The following L3HYPDH variants were observed in gnomAD, a reference collection of about 807,000 sequenced individuals.
The protein encoded by L3HYPDH is trans-3-hydroxy-L-proline dehydratase.
In L3HYPDH, 32 loss-of-function variants were observed where a neutral mutation model predicts 26.5. The observed-to-expected ratio is 1.21, with a 90% CI of 0.91 to 1.62. The LOEUF is 1.62. L3HYPDH is among the 40% of genes most tolerant of loss of function. L3HYPDH has a pLI of 0.00. For missense variants in L3HYPDH, 554 were observed against 476.4 expected, an observed-to-expected ratio of 1.16 and a Z score of -1.52; for synonymous variants, 215 against 196.6, an observed-to-expected ratio of 1.09 and a Z score of -0.78.
At chr14:59,503,598 G>A in the L3HYPDH span, among the ~76,000 whole-genome samples, 1 of 152,134 alleles carries the variant, frequency 6.6e-6, no homozygotes, top group Admixed American at 6.5e-5. Flanking sequence ...CATAGACTAG[G>A]ACTTAAGAGA....
chr14:59,477,384 T>C (rs966503191), intron 2 of L3HYPDH, among the ~76,000 whole-genome samples: 2 of 152,242 alleles, frequency 1.3e-5, no homozygotes, highest in South Asian at 4.1e-4. Context: ...GCAGTGTGAA[T>C]AGTCAACAGT....
downstream of L3HYPDH, among the ~76,000 whole-genome samples, chr14:59,470,038 T>C (rs915988851): frequency 1.3e-5 from 2 of 152,148 alleles, no homozygotes; most frequent in African/African-American, 4.8e-5. Flanking sequence ...AATGGTCTAT[T>C]GAGAAATCAG....
Position 59,476,091 on chromosome 14 carries a change from C to T in L3HYPDH, c.801+1G>A. 6.2e-7 allele frequency: 1 copy of T among 1,613,862 alleles called. No homozygotes were observed. The highest frequency in any genetic ancestry group is 8.5e-7 in the Non-Finnish European group (1 of 1,179,868). ...GTCCCTAAACATTACAGTTTTAATACCTGTTCATCTGCAAAAACACAAATG... is the reference window on the plus strand; with the variant it reads ...GTCCCTAAACATTACAGTTTTAATATCTGTTCATCTGCAAAAACACAAATG... On this transcript the variant is annotated splice_donor_variant, in intron 3 of 4. Transcript: ENST00000247194. LOFTEE classifies it high-confidence loss of function.
rs944710038 is a variant in L3HYPDH at position 59,484,236 on chromosome 14, C to A, written c.81G>T (p.Thr27=). 4 of 1,598,318 alleles carry A rather than the reference C, an allele frequency of 2.5e-6. No homozygotes were observed. The highest frequency in any genetic ancestry group is 2.5e-6 in the Non-Finnish European group (3 of 1,179,706). Residue 27 remains threonine, a synonymous_variant, in exon 1 of 5, where the codon ACG becomes ACT. Transcript: ENST00000247194. ...GCACGATACGCAAGGGCTCGCCGCC[C>A]GTGTGCATGTCCACCACCGACAGCA... ...TPVLSVVDMH[T]GGEPLRIVLA...
intron 4 of L3HYPDH, chr14:59,474,977 T>C (rs1222439048): frequency 6.5e-6 from 1 of 153,026 alleles, no homozygotes; most frequent in Non-Finnish European, 1.5e-5. Context: ...AAAACAGCTA[T>C]ATTAGGATAG....
At position 59,483,985 on chromosome 14, in the gene L3HYPDH, A is replaced by G; in HGVS notation, c.332T>C (p.Leu111Pro). ...SSMCGHAVLALGRFALDFGLV... is the reference protein window; with the variant it reads ...SSMCGHAVLAPGRFALDFGLV... ...CCCGAAGTCCAAAGCGAAGCGGCCC[A>G]GCGCCAGCACTGCGTGGCCGCACAT... Residue 111 changes from leucine to proline, a missense_variant, in exon 1 of 5, where the codon CTG (leucine) becomes CCG (proline). Transcript: ENST00000247194. The G allele has an allele frequency of 1.3e-6, 2 of 1,586,132 alleles. No individual in the cohort carries two copies. Among genetic ancestry groups the G allele is most frequent in the Non-Finnish European group, 1.7e-6 (2 of 1,171,512 alleles).
chr14:59,481,929 G>A (rs1384763552), intron 1 of L3HYPDH, among the ~76,000 whole-genome samples: 2 of 152,126 alleles, frequency 1.3e-5, no homozygotes, highest in Non-Finnish European at 2.9e-5. Context: ...CACAGATTAG[G>A]GACTCGAAAG....
At chr14:59,503,240 T>C in the L3HYPDH span, among the ~76,000 whole-genome samples, 2 of 152,332 alleles carry the variant, frequency 1.3e-5, no homozygotes, top group African/African-American at 4.8e-5. Context: ...AGCTGTTTAA[T>C]AAGAGAAAGT....
intron 4 of L3HYPDH, among the ~76,000 whole-genome samples, chr14:59,475,574 GC>G (rs1889571587): frequency 6.6e-6 from 1 of 152,134 alleles, no homozygotes; most frequent in Non-Finnish European, 1.5e-5. Context: ...TCACATCGTA[GC>G]CTCTGAAGAA....
intron 1 of L3HYPDH, 79 bp downstream of exon 1, chr14:59,483,725 GTTCCA>G: frequency 1.3e-6 from 2 of 1,528,972 alleles, no homozygotes; most frequent in Non-Finnish European, 1.7e-6. Context: ...AGTTGCCAGA[GTTCCA>G]GCCCAGAAAA....
the L3HYPDH span, chr14:59,495,128 G>A: frequency 5.0e-6 from 8 of 1,613,388 alleles, no homozygotes; most frequent in East Asian, 4.5e-5. Flanking sequence ...CGTTCATGTC[G>A]AGTATTGATG....
intron 1 of L3HYPDH, among the ~76,000 whole-genome samples, chr14:59,482,838 A>G (rs919778159): frequency 9.2e-5 from 14 of 152,352 alleles, no homozygotes; most frequent in Admixed American, 7.8e-4. Flanking sequence ...AGAAAAGGAT[A>G]ACTCTATTCC....
At chr14:59,495,024 C>T in the L3HYPDH span, 8 of 1,612,392 alleles carry the variant, frequency 5.0e-6, no homozygotes, top group African/African-American at 2.7e-5. Context: ...CTAGTTCCAG[C>T]GCACTTTTCC....
the L3HYPDH span, among the ~76,000 whole-genome samples, chr14:59,491,969 A>G: frequency 6.6e-6 from 1 of 152,008 alleles, no homozygotes; most frequent in Admixed American, 6.6e-5. Flanking sequence ...TCTCAATTTA[A>G]CCCTGTAAGA....
At chr14:59,484,447 AC>A, upstream of L3HYPDH, 1 of 1,376,904 alleles carries the variant, frequency 7.3e-7, no homozygotes, top group East Asian at 2.4e-5. Context: ...CGGAGCCTAA[AC>A]CCGGAAGCGA....
chr14:59,469,526 C>G (rs879564874), downstream of L3HYPDH, among the ~76,000 whole-genome samples: 40 of 138,154 alleles, frequency 2.9e-4, no homozygotes, highest in Non-Finnish European at 5.6e-4. Flanking sequence ...ACTGCACTCT[C>G]GCCCTGGCGA....
downstream of L3HYPDH, among the ~76,000 whole-genome samples, chr14:59,468,973 A>G (rs1889253434): frequency 2.0e-5 from 3 of 152,154 alleles, no homozygotes; most frequent in African/African-American, 7.2e-5. Flanking sequence ...CAATATAGGA[A>G]TTTACTGGAA....
the L3HYPDH span, among the ~76,000 whole-genome samples, chr14:59,493,704 G>A: frequency 2.0e-5 from 3 of 152,098 alleles, no homozygotes; most frequent in African/African-American, 7.2e-5. Flanking sequence ...AAGTTACATA[G>A]GATTTATCTG....
At position 59,484,196 on chromosome 14, in the gene L3HYPDH, C is replaced by G; in HGVS notation, c.121G>C (p.Glu41Gln). The G allele has an allele frequency of 1.9e-6, 3 of 1,598,908 alleles. No individual in the cohort carries two copies. The highest frequency in any genetic ancestry group is 1.7e-6 in the Non-Finnish European group (2 of 1,179,660). Residue 41 changes from glutamate to glutamine, a missense_variant, in exon 1 of 5, where the codon GAG becomes CAG. Glu to Gln is a conservative substitution (Grantham distance 29, BLOSUM62 2). Coordinates refer to ENST00000247194, the MANE Select transcript of L3HYPDH (RefSeq NM_144581.2). ...GCCAGCAGGGTGGGCCCAGACACCT[C>G]CGGACACCCCGCCAGCACGATACGC... Reference protein sequence around the residue: ...PLRIVLAGCPEVSGPTLLAKR... With the variant: ...PLRIVLAGCPQVSGPTLLAKR...
Sources: gnomAD v4.1 joint callset for allele counts (sites outside exome capture counted in the v4.1 genomes callset) on GRCh38, gnomAD v4.1.1 for gene constraint, MANE v1.5 for transcripts, NCBI Gene and HGNC (gene_info 2026-07-23, HGNC 2026-07-21) for gene names.